Variants in OXCT1 observed in about 807,000 individuals in gnomAD.
The protein encoded by OXCT1 is 3-oxoacid CoA-transferase 1.
Under a neutral mutation model 69.6 loss-of-function variants are expected in OXCT1, and 27 were observed. That is an observed-to-expected ratio of 0.39 (90% CI 0.29 to 0.54). OXCT1 has a LOEUF of 0.54. Among genes scored for constraint, OXCT1 ranks in the 20% least tolerant of loss-of-function variants. OXCT1 has a pLI of 0.72. For missense variants in OXCT1, 437 were observed against 650.2 expected, an observed-to-expected ratio of 0.67 and a Z score of 3.57; for synonymous variants, 202 against 217.8, an observed-to-expected ratio of 0.93 and a Z score of 0.64.
chr5:41,867,890 A>G (rs1328924854), intron 1 of OXCT1, among the ~76,000 whole-genome samples: 3 of 152,218 alleles, frequency 2.0e-5, no homozygotes, highest in African/African-American at 7.2e-5. Flanking sequence ...ACTGCCCCTC[A>G]GTAATAATGA....
At chr5:41,822,072 G>A (rs952098028) in intron 7 of OXCT1, among the ~76,000 whole-genome samples, 1 of 151,960 alleles carries the variant, frequency 6.6e-6, no homozygotes, top group Non-Finnish European at 1.5e-5. Flanking sequence ...TCTTGAGTTA[G>A]TTTTGTCAGT....
At chr5:41,861,285 A>T in intron 3 of OXCT1, 29 bp downstream of exon 3, 1 of 1,365,760 alleles carries the variant, frequency 7.3e-7, no homozygotes, top group Non-Finnish European at 1.0e-6. Flanking sequence ...ATTTCTCTCC[A>T]GCCAATTGTT....
At chr5:41,854,424 AATGT>A (rs1467626228) in intron 3 of OXCT1, among the ~76,000 whole-genome samples, 2 of 152,198 alleles carry the variant, frequency 1.3e-5, no homozygotes, top group African/African-American at 4.8e-5. Flanking sequence ...AAGCAAAGTC[AATGT>A]AACAAGATAG....
intron 4 of OXCT1, among the ~76,000 whole-genome samples, chr5:41,852,209 T>C (rs908652992): frequency 6.6e-6 from 1 of 152,200 alleles, no homozygotes; most frequent in African/African-American, 2.4e-5. Flanking sequence ...TTTTTTTGTT[T>C]TTGTTTTTTC....
At chr5:41,749,665 T>C in intron 14 of OXCT1, 58 bp from the exon 15 acceptor site, 3 of 1,024,010 alleles carry the variant, frequency 2.9e-6, no homozygotes, top group Non-Finnish European at 4.6e-6. Flanking sequence ...TATTTAGAAT[T>C]GGCATAACTA....
At chr5:41,773,183 G>A (rs1309465425) in intron 13 of OXCT1, among the ~76,000 whole-genome samples, 3 of 152,102 alleles carry the variant, frequency 2.0e-5, no homozygotes, top group Non-Finnish European at 4.4e-5. Context: ...ACAGTGCCAG[G>A]CAATCTATAA....
intron 8 of OXCT1, 41 bp from the exon 9 acceptor site, chr5:41,805,722 T>C (rs770097267): frequency 2.3e-6 from 3 of 1,312,094 alleles, no homozygotes; most frequent in Non-Finnish European, 3.3e-6. Context: ...GGTTGAGGTA[T>C]GCTTTGTATT....
chr5:41,868,109 T>C, intron 1 of OXCT1, among the ~76,000 whole-genome samples: 1 of 152,222 alleles, frequency 6.6e-6, no homozygotes, highest in East Asian at 1.9e-4. Context: ...GTAATGCTGA[T>C]GCACTCTCAG....
rs374319828 is a variant in OXCT1, at chr5:41,850,102, C to G, written c.492G>C (p.Leu164=). Residue 164 remains leucine, a synonymous_variant, in exon 5 of 17, where the codon CTG becomes CTC. Coordinates refer to ENST00000196371, the MANE Select transcript of OXCT1 (RefSeq NM_000436.4). ...AFYTPTGYGT[L]VQEGGSPIKY... is the part of the protein sequence containing the mutation. ...TGATGGGCGATCCTCCTTCTTGTAC[C>G]AGGGTCCCATACCCTGTTGGGGTGT... is the stretch of plus-strand genomic sequence containing the variant. 1.9e-6 allele frequency: 3 copies of G among 1,613,826 alleles called. No homozygotes were observed. Among genetic ancestry groups the G allele is most frequent in the African/African-American group, 2.7e-5 (2 of 74,902 alleles).
At chr5:41,853,387 T>A in intron 4 of OXCT1, 32 bp downstream of exon 4, 1 of 1,593,138 alleles carries the variant, frequency 6.3e-7, no homozygotes, top group Non-Finnish European at 8.6e-7. Flanking sequence ...TAAAGTAAGT[T>A]AGTATTATAA....
At chr5:41,802,928 T>C (rs1746489845) in intron 10 of OXCT1, 141 bp downstream of exon 10, 2 of 663,082 alleles carry the variant, frequency 3.0e-6, no homozygotes, top group South Asian at 3.5e-5. Context: ...GGTTTCAGCA[T>C]TATACAATTT....
At chr5:41,832,321 G>A (rs905772119) in intron 7 of OXCT1, among the ~76,000 whole-genome samples, 1 of 149,478 alleles carries the variant, frequency 6.7e-6, no homozygotes, top group African/African-American at 2.5e-5. Context: ...CCCAGTTCCA[G>A]GCGGTTCAGC....
At chr5:41,838,752 G>T (rs1218089562) in intron 7 of OXCT1, among the ~76,000 whole-genome samples, 1 of 151,972 alleles carries the variant, frequency 6.6e-6, no homozygotes, top group Non-Finnish European at 1.5e-5. Flanking sequence ...CAGCTCCTGG[G>T]TAGCTGGGAC....
chr5:41,747,057 C>G (rs990631886), intron 15 of OXCT1, among the ~76,000 whole-genome samples: 1 of 152,116 alleles, frequency 6.6e-6, no homozygotes, highest in Non-Finnish European at 1.5e-5. Flanking sequence ...TAAAAGCTTA[C>G]AGTGTTTTTT....
At chr5:41,749,490 C>T (rs763701153) in intron 15 of OXCT1, 37 bp downstream of exon 15, 62 of 1,369,004 alleles carry the variant, frequency 4.5e-5, no homozygotes, top group African/African-American at 4.3e-4. Flanking sequence ...AAAATGCTTA[C>T]TTAAAACATG....
chr5:41,830,973 T>C (rs1202612968), intron 7 of OXCT1, among the ~76,000 whole-genome samples: 1 of 152,200 alleles, frequency 6.6e-6, no homozygotes, highest in Non-Finnish European at 1.5e-5. Flanking sequence ...ACTTTAGTGC[T>C]TAAGTCACCT....
intron 15 of OXCT1, among the ~76,000 whole-genome samples, chr5:41,746,831 G>C (rs983168079): frequency 6.6e-6 from 1 of 151,960 alleles, no homozygotes; most frequent in Non-Finnish European, 1.5e-5. Flanking sequence ...CTTCCTAAAG[G>C]ATACACAGGT....
chr5:41,779,344 A>G (rs1279596963), intron 13 of OXCT1, among the ~76,000 whole-genome samples: 3 of 152,228 alleles, frequency 2.0e-5, no homozygotes, highest in African/African-American at 7.2e-5. Flanking sequence ...GGCTATATAA[A>G]TCTGAATTAA....
chr5:41,749,645 G>C (rs763750270), intron 14 of OXCT1, 38 bp from the exon 15 acceptor site: 13 of 1,308,890 alleles, frequency 9.9e-6, no homozygotes, highest in Non-Finnish European at 1.4e-5. Flanking sequence ...AGTAGTTAGG[G>C]AGCAATTTTT....
Sources: allele counts gnomAD v4.1 joint callset (sites outside exome capture counted in the v4.1 genomes callset), GRCh38; gene constraint gnomAD v4.1.1; transcripts MANE v1.5; gene names NCBI Gene and HGNC (gene_info 2026-07-23, HGNC 2026-07-21).